The following CHD6 variants were observed in gnomAD, a reference collection of about 807,000 sequenced individuals.
CHD6 encodes ATP-dependent chromatin remodeler CHD6.
Under a neutral mutation model 276.9 loss-of-function variants are expected in CHD6, and 50 were observed. That is an observed-to-expected ratio of 0.18 (90% CI 0.14 to 0.23). CHD6 has a LOEUF of 0.23. Among genes scored for constraint, CHD6 ranks in the 10% least tolerant of loss-of-function variants. The probability of loss-of-function intolerance (pLI) is 1.00; values close to 1 mark genes in which losing one functional copy is unlikely to be tolerated. For missense variants in CHD6, 2,564 were observed against 3,365.8 expected (o/e 0.76, Z 5.89); for synonymous variants, 1,173 against 1,229.3 (o/e 0.95, Z 0.96).
intron 1 of CHD6, among the ~76,000 whole-genome samples, chr20:41,571,449 A>G (rs901498841): frequency 2.7e-5 from 4 of 147,790 alleles, no homozygotes; most frequent in Non-Finnish European, 4.5e-5. Flanking sequence ...CTGGACTGCA[A>G]TGGCACGATC....
intron 23 of CHD6, 85 bp downstream of exon 23, chr20:41,450,861 T>G: frequency 2.4e-6 from 3 of 1,227,842 alleles, no homozygotes; most frequent in Non-Finnish European, 3.5e-6. Context: ...CACAAGAGCA[T>G]GAAGTGCTCT....
rs778577222 is a variant in CHD6 at position 41,421,760 on chromosome 20, T to C, written c.4875A>G (p.Ala1625=). 6.2e-7 allele frequency: 1 copy of C among 1,614,112 alleles called. No homozygotes were observed. Among genetic ancestry groups the C allele is most frequent in the Non-Finnish European group, 8.5e-7 (1 of 1,180,056 alleles). The change falls in exon 31 of 37, where the codon GCA becomes GCG. Residue 1625 remains alanine (A), a synonymous_variant. Coordinates refer to ENST00000373233, the MANE Select transcript of CHD6 (RefSeq NM_032221.5). ...GGTAAAGGCAACAGAGATTTCCTGGTGCCTGGGTGCCAGATCTTTTATGCT... is the reference window on the plus strand; with the variant it reads ...GGTAAAGGCAACAGAGATTTCCTGGCGCCTGGGTGCCAGATCTTTTATGCT... ...YAQHKRSGTQ[A]PGNLCCLYQT...
In CHD6 at chr20:41,412,235, C is replaced by T. The variant is rs1417642501; in HGVS notation, c.7160G>A (p.Arg2387Lys). 8.1e-6 allele frequency: 13 copies of T among 1,614,068 alleles called. No homozygotes were observed. Among genetic ancestry groups the T allele is most frequent in the Non-Finnish European group, 1.0e-5 (12 of 1,180,014 alleles). ...ANFSDKPKQRRPRCKEPGKLD... is the reference protein window; with the variant it reads ...ANFSDKPKQRKPRCKEPGKLD... ...TTTTCCAGGTTCTTTACAGCGTGGCCTCCTCTGCTTTGGTTTGTCTGAAAA... is the reference window on the plus strand; with the variant it reads ...TTTTCCAGGTTCTTTACAGCGTGGCTTCCTCTGCTTTGGTTTGTCTGAAAA... Residue 2387 changes from arginine (R) to lysine (K), a missense_variant, in exon 36 of 37, where the codon AGG (arginine) becomes AAG (lysine). Coordinates refer to ENST00000373233, the MANE Select transcript of CHD6 (RefSeq NM_032221.5).
chr20:41,476,683 G>GCAAA (rs2043174661), intron 16 of CHD6, among the ~76,000 whole-genome samples: 1 of 151,830 alleles, frequency 6.6e-6, no homozygotes, highest in Non-Finnish European at 1.5e-5. Flanking sequence ...CTAGCACAAT[G>GCAAA]CAAACACTTT....
At chr20:41,447,118 T>C (rs184860298) in intron 24 of CHD6, among the ~76,000 whole-genome samples, 349 of 152,224 alleles carry the variant, frequency 2.3e-3, no homozygotes, top group Admixed American at 3.1e-3. Context: ...ATGGGTCGGG[T>C]TGTCTATGTC....
chr20:41,550,258 C>G (rs748515984), intron 2 of CHD6, among the ~76,000 whole-genome samples: 2 of 152,168 alleles, frequency 1.3e-5, no homozygotes, highest in Admixed American at 1.3e-4. Flanking sequence ...TTTTGCACAC[C>G]TGAGTATATC....
intron 36 of CHD6, among the ~76,000 whole-genome samples, chr20:41,409,116 C>G (rs1234026047): frequency 6.6e-6 from 1 of 152,212 alleles, no homozygotes; most frequent in Non-Finnish European, 1.5e-5. Context: ...CAGAAATGCC[C>G]CGAGGATAAA....
At chr20:41,468,067 A>G (rs543948374) in intron 17 of CHD6, among the ~76,000 whole-genome samples, 1 of 150,520 alleles carries the variant, frequency 6.6e-6, no homozygotes, top group East Asian at 1.9e-4. Context: ...AAGTCTTCCT[A>G]GACCACTCTT....
At chr20:41,486,855 T>C (rs1427578340) in intron 14 of CHD6, among the ~76,000 whole-genome samples, 1 of 152,146 alleles carries the variant, frequency 6.6e-6, no homozygotes, top group Admixed American at 6.5e-5. Flanking sequence ...GGTTTTTTTT[T>C]TTCTATGCAG....
At chr20:41,595,670 T>C (rs1248909794) in intron 1 of CHD6, among the ~76,000 whole-genome samples, 1 of 152,098 alleles carries the variant, frequency 6.6e-6, no homozygotes, top group Non-Finnish European at 1.5e-5. Flanking sequence ...TTCCCTCTAA[T>C]AGCCCTCCAG....
intron 1 of CHD6, among the ~76,000 whole-genome samples, chr20:41,552,289 T>C (rs530576758): frequency 9.2e-5 from 14 of 152,352 alleles, no homozygotes; most frequent in African/African-American, 3.4e-4. Flanking sequence ...CCCACACAAC[T>C]ACAGAACACC....
At chr20:41,605,044 T>C (rs2045813480) in intron 1 of CHD6, among the ~76,000 whole-genome samples, 1 of 152,172 alleles carries the variant, frequency 6.6e-6, no homozygotes, top group South Asian at 2.1e-4. Flanking sequence ...TTATTCTATG[T>C]AGGAGAATGC....
At chr20:41,465,523 C>T (rs1197551450) in intron 17 of CHD6, among the ~76,000 whole-genome samples, 1 of 152,156 alleles carries the variant, frequency 6.6e-6, no homozygotes, top group Non-Finnish European at 1.5e-5. Flanking sequence ...TTGTCACAGA[C>T]TGCAGAAGGT....
chr20:41,590,179 C>G (rs1422234956), intron 1 of CHD6, among the ~76,000 whole-genome samples: 2 of 152,056 alleles, frequency 1.3e-5, no homozygotes, highest in Non-Finnish European at 2.9e-5. Context: ...AGCTGAAGTT[C>G]GATCCCTTCT....
intron 10 of CHD6, among the ~76,000 whole-genome samples, 190 bp downstream of exon 10, chr20:41,493,348 T>C (rs534505077): frequency 6.6e-6 from 1 of 152,082 alleles, no homozygotes; most frequent in South Asian, 2.1e-4. Context: ...ACCTGAGACC[T>C]AAAGGTGACA....
At chr20:41,552,720 T>A (rs1374986991) in intron 1 of CHD6, among the ~76,000 whole-genome samples, 1 of 152,206 alleles carries the variant, frequency 6.6e-6, no homozygotes, top group Admixed American at 6.5e-5. Flanking sequence ...AGAGGCATTT[T>A]CTATTAAAAG....
Position 41,473,569 on chromosome 20 carries a change from G to A in CHD6, c.2469-52C>T. ...CCAGGCGTTAATCATGACTTCAATG[G>A]AGAACAGCACAAAATGCAGGAAGCT... On this transcript the variant is annotated intron_variant, in intron 16 of 36. Coordinates refer to ENST00000373233, the MANE Select transcript of CHD6 (RefSeq NM_032221.5). The surrounding 1 kb of genome is among the most constrained non-coding windows in gnomAD (Gnocchi z 4.1). 1 of 1,464,186 alleles carries A rather than the reference G, an allele frequency of 6.8e-7. No homozygotes were observed. The highest frequency in any genetic ancestry group is 9.5e-7 in the Non-Finnish European group (1 of 1,049,122). 90.7% of individuals were successfully genotyped at this position (1,464,186 alleles called of 1,614,324 possible).
chr20:41,451,792 C>CA, intron 22 of CHD6, 34 bp downstream of exon 22: 1 of 1,590,444 alleles, frequency 6.3e-7, no homozygotes, highest in East Asian at 2.2e-5. Context: ...GCATGGGAAT[C>CA]GTGCTTCTTA....
In CHD6 at chr20:41,429,366, G is replaced by T. The variant is rs146812222; in HGVS notation, c.4069-3213C>A. Among the ~76,000 whole-genome samples, 4 of 152,290 alleles carry T rather than the reference G, an allele frequency of 2.6e-5. No individual in the cohort carries two copies. In the East Asian group the frequency reaches 7.7e-4, roughly 29 times the overall value. On this transcript the variant is annotated intron_variant, in intron 27 of 36. Coordinates refer to ENST00000373233, the MANE Select transcript of CHD6 (RefSeq NM_032221.5). ...TCTGGCTGCACGTGACATCTGTAAT[G>T]ATTTGCCAATCAAAAGTGCTACTGG... is the stretch of plus-strand genomic sequence containing the variant.
Sources: gnomAD v4.1 joint callset for allele counts (sites outside exome capture counted in the v4.1 genomes callset) on GRCh38, gnomAD v4.1.1 for gene constraint, Gnocchi (gnomAD v3.1) non-coding constraint, MANE v1.5 for transcripts, NCBI Gene and HGNC (gene_info 2026-07-23, HGNC 2026-07-21) for gene names.